Variants in NCOA7 observed in about 807,000 individuals in gnomAD.
The protein encoded by NCOA7 is nuclear receptor coactivator 7.
In NCOA7, 45 loss-of-function variants were observed where a neutral mutation model predicts 104.3. The ratio of observed to expected loss-of-function variants is 0.43; its 90% CI spans 0.34 to 0.55. The LOEUF (loss-of-function observed/expected upper bound fraction) is 0.55, where lower values mean the gene tolerates loss of function less well. Among genes scored for constraint, NCOA7 ranks in the 20% least tolerant of loss-of-function variants. The probability of loss-of-function intolerance (pLI) is 0.02; values close to 1 mark genes in which losing one functional copy is unlikely to be tolerated. For missense variants in NCOA7, 1,041 were observed against 1,119.7 expected, an observed-to-expected ratio of 0.93 and a Z score of 1.00; for synonymous variants, 398 against 402.3, an observed-to-expected ratio of 0.99 and a Z score of 0.13.
chr6:125,900,555 G>T (rs1785412068), intron 10 of NCOA7, among the ~76,000 whole-genome samples: 1 of 152,172 alleles, frequency 6.6e-6, no homozygotes, highest in African/African-American at 2.4e-5. Context: ...TGTTCAACCT[G>T]ATGATTTCAT....
rs1476013592 is a variant in NCOA7 at position 125,889,329 on chromosome 6, A to G, written c.1275A>G (p.Gln425=). The G allele has an allele frequency of 6.2e-7, 1 of 1,614,030 alleles. No homozygotes were observed. The highest frequency in any genetic ancestry group is 8.5e-7 in the Non-Finnish European group (1 of 1,180,010). ...TTGACTTGGAAGAACTTTCTTCTCA[A>G]ACTGGTGGTGGAATGCACAAAAAAG... ...DFVDLEELSS[Q]TGGGMHKKDT... is the part of the protein sequence containing the mutation. The change falls in exon 9 of 16, where the codon CAA becomes CAG. Residue 425 remains glutamine, a synonymous_variant. Transcript: ENST00000392477.
chr6:125,901,205 A>G (rs1189196959), intron 10 of NCOA7, among the ~76,000 whole-genome samples: 1 of 152,078 alleles, frequency 6.6e-6, no homozygotes, highest in Non-Finnish European at 1.5e-5. Flanking sequence ...GCCATAATAT[A>G]CTCTGAAGTA....
In NCOA7 at chr6:125,883,975, T is replaced by C. The variant is rs1035339865; in HGVS notation, c.700-1184T>C. Among the ~76,000 whole-genome samples, 98 of 152,298 alleles carry C rather than the reference T, an allele frequency of 6.4e-4. 2 individuals carry two copies. Among genetic ancestry groups the C allele is most frequent in the South Asian group, 2.1e-4 (1 of 4,826 alleles). On this transcript the variant is annotated intron_variant, in intron 7 of 15. Transcript: ENST00000392477. ...CTCAGGTGATCCACCTGCCTTGGCC[T>C]CCCAAAGTGTTGGGATTACAGGCCA...
intron 2 of NCOA7, among the ~76,000 whole-genome samples, chr6:125,849,591 A>G (rs1290421762): frequency 6.6e-6 from 1 of 152,210 alleles, no homozygotes; most frequent in East Asian, 1.9e-4. Flanking sequence ...TGTTTTCATA[A>G]TAAAAGAAGA....
intron 1 of NCOA7, among the ~76,000 whole-genome samples, chr6:125,803,834 A>T (rs766113589): frequency 1.3e-5 from 2 of 152,234 alleles, no homozygotes; most frequent in Non-Finnish European, 2.9e-5. Context: ...AACGCCTTTC[A>T]TCTATCCAAT....
At chr6:125,911,364 TTC>T (rs1786534941) in intron 10 of NCOA7, among the ~76,000 whole-genome samples, 1 of 152,226 alleles carries the variant, frequency 6.6e-6, no homozygotes, top group African/African-American at 2.4e-5. Context: ...CATGCCTCCC[TTC>T]TCTTTTTTGT....
At chr6:125,875,072 C>G in intron 4 of NCOA7, 104 bp downstream of exon 4, 1 of 779,496 alleles carries the variant, frequency 1.3e-6, no homozygotes, top group Non-Finnish European at 2.1e-6. Context: ...TCTTGTGTAC[C>G]CATTAAACAA....
rs929864804 is a variant in NCOA7 at position 125,819,856 on chromosome 6, G to A, written c.50+4452G>A. ...GTGATTTCCGAGTAGGTCCTTGTAT[G>A]CCATTGGTTGAAGATTCTTTGAAAG... is the stretch of plus-strand genomic sequence containing the variant. On this transcript the variant is annotated intron_variant, in intron 2 of 15. Coordinates refer to ENST00000392477, the MANE Select transcript of NCOA7 (RefSeq NM_181782.5). 2.6e-5 allele frequency among the ~76,000 whole-genome samples: 4 copies of A among 152,292 alleles called. No homozygotes were observed. In the East Asian group the frequency reaches 5.8e-4, roughly 22 times the overall value.
chr6:125,895,688 C>A (rs1406648042), intron 10 of NCOA7, among the ~76,000 whole-genome samples: 1 of 152,126 alleles, frequency 6.6e-6, no homozygotes, highest in Non-Finnish European at 1.5e-5. Context: ...AAGCTTACAA[C>A]ACCAAGGCAG....
chr6:125,785,199 G>A (rs766417723), intron 1 of NCOA7, among the ~76,000 whole-genome samples: 11 of 152,138 alleles, frequency 7.2e-5, no homozygotes, highest in Non-Finnish European at 1.5e-4. Context: ...CTAGCCGGGT[G>A]TGGTGGTGGG....
intron 2 of NCOA7, among the ~76,000 whole-genome samples, chr6:125,844,180 G>A (rs552929964): frequency 6.6e-6 from 1 of 152,348 alleles, no homozygotes; most frequent in African/African-American, 2.4e-5. Context: ...TTATTAGAAT[G>A]TGGTTGTTCT....
chr6:125,885,403 A>T (rs1370431034), intron 8 of NCOA7, 60 bp downstream of exon 8: 2 of 1,541,780 alleles, frequency 1.3e-6, no homozygotes, highest in African/African-American at 1.4e-5. Flanking sequence ...AATGTAGCTT[A>T]AAAATGAGGG....
At chr6:125,857,565 A>AT (rs1202500007) in intron 3 of NCOA7, among the ~76,000 whole-genome samples, 416 of 142,446 alleles carry the variant, frequency 2.9e-3, no homozygotes, top group East Asian at 7.6e-3. Flanking sequence ...CTCCCAAAGC[A>AT]TTTTTTTTTT....
intron 3 of NCOA7, among the ~76,000 whole-genome samples, chr6:125,865,694 C>G (rs551160323): frequency 7.3e-6 from 1 of 136,870 alleles, no homozygotes; most frequent in South Asian, 2.2e-4. Context: ...GGGTCTCTCT[C>G]TCTCTGTTGT....
intron 5 of NCOA7, 122 bp from the exon 6 acceptor site, chr6:125,880,968 A>G: frequency 1.5e-6 from 1 of 687,874 alleles, no homozygotes; most frequent in Non-Finnish European, 2.6e-6. Context: ...AGTTTCTTGA[A>G]AGCAACCTAG....
intron 2 of NCOA7, among the ~76,000 whole-genome samples, chr6:125,828,644 A>G (rs1189614391): frequency 1.3e-5 from 2 of 152,190 alleles, no homozygotes; most frequent in Non-Finnish European, 2.9e-5. Context: ...GTCCACTTGA[A>G]GACTGGTGGT....
rs148723192 is a variant in NCOA7 at position 125,849,734 on chromosome 6, C to T, written c.51-5286C>T. On this transcript the variant is annotated intron_variant, in intron 2 of 15. Coordinates refer to ENST00000392477, the MANE Select transcript of NCOA7 (RefSeq NM_181782.5). ...AGATAGAATTGACAAGTCTTGACTA[C>T]AATTTAAAACACCTGTTTTATGTAA... 5.4e-4 allele frequency among the ~76,000 whole-genome samples: 82 copies of T among 152,210 alleles called. 1 individual carries two copies. The highest frequency in any genetic ancestry group is 1.9e-3 in the African/African-American group (79 of 41,526).
At chr6:125,884,560 G>A (rs771747226) in intron 7 of NCOA7, among the ~76,000 whole-genome samples, 21 of 152,128 alleles carry the variant, frequency 1.4e-4, no homozygotes, top group Non-Finnish European at 2.5e-4. Context: ...ACCAAGCTAC[G>A]ACTTTTTGCT....
In NCOA7 at chr6:125,870,936, A is replaced by G. The variant is rs549320689; in HGVS notation, c.272-3953A>G. On this transcript the variant is annotated intron_variant, in intron 3 of 15. Transcript: ENST00000392477. ...GGATTTATGCAGAAAGAAATGGGCTAGGCTGAAGGACCTGTGTTTTATTCC... is the reference window on the plus strand; with the variant it reads ...GGATTTATGCAGAAAGAAATGGGCTGGGCTGAAGGACCTGTGTTTTATTCC... Among the ~76,000 whole-genome samples, 123 of 152,268 alleles carry G rather than the reference A, an allele frequency of 8.1e-4. 1 individual carries two copies. Among genetic ancestry groups the G allele is most frequent in the African/African-American group, 2.9e-3 (121 of 41,558 alleles).
Sources: allele counts gnomAD v4.1 joint callset (sites outside exome capture counted in the v4.1 genomes callset), GRCh38; gene constraint gnomAD v4.1.1; transcripts MANE v1.5; gene names NCBI Gene and HGNC (gene_info 2026-07-23, HGNC 2026-07-21).